Variants in WNT7A observed in about 807,000 individuals in gnomAD.
WNT7A encodes the protein Wnt family member 7A.
A neutral mutation model predicts 28.2 loss-of-function variants in WNT7A; 16 were observed. The observed-to-expected ratio is 0.57, with a 90% CI of 0.38 to 0.86. The LOEUF (loss-of-function observed/expected upper bound fraction) is 0.86, where lower values mean the gene tolerates loss of function less well. Ranked by LOEUF, WNT7A falls within the 40% of genes least tolerant of loss-of-function variation. WNT7A has a pLI of 0.00. For synonymous variants in WNT7A, 190 were observed against 195.9 expected (o/e 0.97, Z 0.25); for missense variants, 411 against 489.7 (o/e 0.84, Z 1.52).
chr3:13,829,599 T>C (rs1289481616), intron 3 of WNT7A, among the ~76,000 whole-genome samples: 1 of 152,128 alleles, frequency 6.6e-6, no homozygotes, highest in Non-Finnish European at 1.5e-5. Flanking sequence ...CTTCTGTCTG[T>C]ACACTGCTAT....
Position 13,819,133 on chromosome 3 carries a change from C to T in WNT7A, c.861G>A (p.Val287=), listed in dbSNP as rs149962459. ...YCEEDPVTGS[V]GTQGRACNKT... ...TGTTGCAGGCGCGGCCCTGGGTGCCCACACTGCCGGTCACCGGGTCCTCCT... is the reference window on the plus strand; with the variant it reads ...TGTTGCAGGCGCGGCCCTGGGTGCCTACACTGCCGGTCACCGGGTCCTCCT... Residue 287 remains valine, a synonymous_variant, in exon 4 of 4, where the codon GTG becomes GTA. Coordinates refer to ENST00000285018, the MANE Select transcript of WNT7A (RefSeq NM_004625.4). 3.8e-4 allele frequency: 618 copies of T among 1,614,192 alleles called. 3 individuals carry two copies. The African/African-American group carries it at 6.7e-3, about 17-fold the overall frequency.
intron 3 of WNT7A, among the ~76,000 whole-genome samples, chr3:13,833,670 A>G (rs1694318332): frequency 6.6e-6 from 1 of 152,124 alleles, no homozygotes; most frequent in South Asian, 2.1e-4. Context: ...CCTGTCCCAG[A>G]GTCTAGGTTA....
chr3:13,848,279 TA>T (rs1694572538), intron 3 of WNT7A, among the ~76,000 whole-genome samples: 1 of 152,064 alleles, frequency 6.6e-6, no homozygotes, highest in African/African-American at 2.4e-5. Flanking sequence ...ATGAAGATGA[TA>T]AAAAAGACAA....
intron 3 of WNT7A, among the ~76,000 whole-genome samples, chr3:13,849,548 G>A (rs1694595396): frequency 6.6e-6 from 1 of 152,152 alleles, no homozygotes; most frequent in Admixed American, 6.5e-5. Context: ...CACTGTTCTA[G>A]GTTTAGGGGT....
chr3:13,880,068 G>C lies in WNT7A; in HGVS notation c.-252C>G, dbSNP rs1695187587. ...GGCTGCGCGCGAGCGACCGGTGCAA[G>C]TGTGCGAGACGCGGGGAGTGCGGGG... On this transcript the variant is annotated 5_prime_UTR_variant, in exon 1 of 4. Coordinates refer to ENST00000285018, the MANE Select transcript of WNT7A (RefSeq NM_004625.4). 3.0e-6 allele frequency: 1 copy of C among 332,942 alleles called. No individual in the cohort carries two copies. The highest frequency in any genetic ancestry group is 5.4e-6 in the Non-Finnish European group (1 of 183,950). 20.6% of individuals were successfully genotyped at this position (332,942 alleles called of 1,614,324 possible).
intron 2 of WNT7A, among the ~76,000 whole-genome samples, chr3:13,864,858 G>A (rs1446268437): frequency 6.6e-6 from 1 of 152,124 alleles, no homozygotes; most frequent in African/African-American, 2.4e-5. Flanking sequence ...GTACTTGTAT[G>A]GAAACTCAGG....
Position 13,826,063 on chromosome 3 carries a change from G to A in WNT7A, c.571-6640C>T, listed in dbSNP as rs115734378. ...CAGGACCTAGGGCATGTCTGTCCACGTAGGCTTTCACTCATGCACCTGTTT... is the reference window on the plus strand; with the variant it reads ...CAGGACCTAGGGCATGTCTGTCCACATAGGCTTTCACTCATGCACCTGTTT... On this transcript the variant is annotated intron_variant, in intron 3 of 3. Transcript: ENST00000285018. Among the ~76,000 whole-genome samples, 558 of 152,306 alleles carry A rather than the reference G, an allele frequency of 3.7e-3. 6 individuals carry two copies. Among genetic ancestry groups the A allele is most frequent in the African/African-American group, 0.013 (525 of 41,568 alleles).
intron 3 of WNT7A, among the ~76,000 whole-genome samples, chr3:13,841,691 G>A (rs933270329): frequency 6.6e-6 from 1 of 152,210 alleles, no homozygotes; most frequent in South Asian, 2.1e-4. Context: ...GGAAGCTTCT[G>A]TCTGGGCCTG....
At chr3:13,819,957 T>C (rs1443674460) in intron 3 of WNT7A, among the ~76,000 whole-genome samples, 4 of 152,218 alleles carry the variant, frequency 2.6e-5, no homozygotes, top group African/African-American at 9.6e-5. Flanking sequence ...AAGGCAACAT[T>C]TTACCCAACA....
Position 13,816,901 on chromosome 3 carries a change from T to C in WNT7A, c.*2043A>G, listed in dbSNP as rs1694012664. ...TCCATCCCTCCATCCATTCACTCCA[T>C]GGCCCCTTCACATGCCCACTCCTCC... is the stretch of plus-strand genomic sequence containing the variant. On this transcript the variant is annotated 3_prime_UTR_variant, in exon 4 of 4. Coordinates refer to ENST00000285018, the MANE Select transcript of WNT7A (RefSeq NM_004625.4). 6.6e-6 allele frequency: 1 copy of C among 152,284 alleles called. No individual in the cohort carries two copies. 9.4% of individuals were successfully genotyped at this position (152,284 alleles called of 1,614,324 possible).
rs1491270987 is a variant in WNT7A at position 13,818,350 on chromosome 3, G to GAAAAAAAAAAAAAAAAAAAAA, written c.*593_*594insTTTTTTTTTTTTTTTTTTTTT. On this transcript the variant is annotated 3_prime_UTR_variant, in exon 4 of 4. Transcript: ENST00000285018. ...ATTTCTGGATAAGTAGCAGCAAACA[G>GAAAAAAAAAAAAAAAAAAAAA]CAAAAAAAAAAAAAAAAATGTGTGT... 5 of 18,160 alleles carry GAAAAAAAAAAAAAAAAAAAAA rather than the reference G, an allele frequency of 2.8e-4. No individual in the cohort carries two copies. The highest frequency in any genetic ancestry group is 2.3e-3 in the African/African-American group (5 of 2,166). The allele number at this position is 18,160 out of a possible 1,614,324, so 1.1% of individuals were successfully genotyped here.
chr3:13,830,824 C>G (rs1694270978), intron 3 of WNT7A, among the ~76,000 whole-genome samples: 1 of 152,186 alleles, frequency 6.6e-6, no homozygotes, highest in African/African-American at 2.4e-5. Flanking sequence ...TGCCCACATC[C>G]CTGTAGTCAT....
At chr3:13,853,571 C>T (rs1382813023) in intron 3 of WNT7A, among the ~76,000 whole-genome samples, 2 of 152,218 alleles carry the variant, frequency 1.3e-5, no homozygotes, top group Non-Finnish European at 2.9e-5. Flanking sequence ...TCGCTCATCT[C>T]TCGAGGCCTG....
At chr3:13,828,690 T>A (rs1297906685) in intron 3 of WNT7A, among the ~76,000 whole-genome samples, 1 of 152,178 alleles carries the variant, frequency 6.6e-6, no homozygotes, top group Non-Finnish European at 1.5e-5. Flanking sequence ...CTGGGCTCGT[T>A]GAGTATCTGC....
chr3:13,855,973 A>C (rs1575069329), intron 2 of WNT7A, among the ~76,000 whole-genome samples: 1 of 152,142 alleles, frequency 6.6e-6, no homozygotes, highest in Non-Finnish European at 1.5e-5. Flanking sequence ...TCCCATGCTC[A>C]GGGAGGTCCT....
intron 3 of WNT7A, among the ~76,000 whole-genome samples, chr3:13,844,760 T>G (rs941605249): frequency 6.6e-6 from 1 of 152,238 alleles, no homozygotes. Context: ...CACCTGGATT[T>G]CTCTTCAAAA....
chr3:13,873,894 A>G (rs986218235), intron 2 of WNT7A, among the ~76,000 whole-genome samples: 4 of 152,240 alleles, frequency 2.6e-5, no homozygotes, highest in African/African-American at 9.6e-5. Context: ...ATGGCAGCAG[A>G]GGTCAGCAGC....
chr3:13,855,899 C>CT, intron 2 of WNT7A, among the ~76,000 whole-genome samples: 1 of 152,132 alleles, frequency 6.6e-6, no homozygotes, highest in East Asian at 1.9e-4. Context: ...ATGGAGACGG[C>CT]TTAAGCAGCA....
At position 13,854,547 on chromosome 3, in the gene WNT7A, G is replaced by T; in HGVS notation, c.555C>A (p.Asn185Lys). Reference sequence around the variant, plus strand: ...GGCTTCCTACCTTTCGGCCTGCCTCGTTGTTGTGCAAGTTCATGAGAGTCC... The same window carrying T: ...GGCTTCCTACCTTTCGGCCTGCCTCTTTGTTGTGCAAGTTCATGAGAGTCC... Reference protein sequence around the residue: ...NARTLMNLHNNEAGRKILEEN... With the variant: ...NARTLMNLHNKEAGRKILEEN... The change falls in exon 3 of 4, where the codon AAC becomes AAA. Residue 185 changes from asparagine (N) to lysine (K), a missense_variant. Transcript: ENST00000285018. 1 of 1,614,136 alleles carries T rather than the reference G, an allele frequency of 6.2e-7. No individual in the cohort carries two copies. The highest frequency in any genetic ancestry group is 8.5e-7 in the Non-Finnish European group (1 of 1,180,058).
Sources: gnomAD v4.1 joint callset for allele counts (sites outside exome capture counted in the v4.1 genomes callset) on GRCh38, gnomAD v4.1.1 for gene constraint, MANE v1.5 for transcripts, NCBI Gene and HGNC (gene_info 2026-07-23, HGNC 2026-07-21) for gene names.